Variants in THRAP3 observed in about 807,000 individuals in gnomAD.
The protein encoded by THRAP3 is thyroid hormone receptor-associated protein 3.
In THRAP3, 16 loss-of-function variants were observed where a neutral mutation model predicts 101.0. The observed-to-expected ratio is 0.16, with a 90% CI of 0.11 to 0.24. The LOEUF is 0.24. Ranked by LOEUF, THRAP3 falls within the 10% of genes least tolerant of loss-of-function variation. The probability of loss-of-function intolerance (pLI) is 1.00; values close to 1 mark genes in which losing one functional copy is unlikely to be tolerated. For missense variants in THRAP3, 989 were observed against 1,202.7 expected, an observed-to-expected ratio of 0.82 and a Z score of 2.63; for synonymous variants, 407 against 422.6, an observed-to-expected ratio of 0.96 and a Z score of 0.45.
Position 36,287,049 on chromosome 1 carries a change from T to C in THRAP3, c.819T>C (p.Pro273=). Residue 273 remains proline, a synonymous_variant, in exon 4 of 12, where the codon CCT becomes CCC. Coordinates refer to ENST00000354618, the MANE Select transcript of THRAP3 (RefSeq NM_005119.4). ...CCCGTCCTAGCCCCGTGCCAAAACCTAGTCCTCCACTTTCCAGCACATCCC... is the reference window on the plus strand; with the variant it reads ...CCCGTCCTAGCCCCGTGCCAAAACCCAGTCCTCCACTTTCCAGCACATCCC... ...RSPRPSPVPK[P]SPPLSSTSQM... 2 of 1,613,648 alleles carry C rather than the reference T, an allele frequency of 1.2e-6. No individual in the cohort carries two copies. Among genetic ancestry groups the C allele is most frequent in the Non-Finnish European group, 1.7e-6 (2 of 1,179,650 alleles).
At position 36,280,470 on chromosome 1, in the gene THRAP3, A is replaced by T. The variant is rs899439636; in HGVS notation, c.-31-2063A>T. Among the ~76,000 whole-genome samples, 4 of 152,158 alleles carry T rather than the reference A, an allele frequency of 2.6e-5. No homozygotes were observed. In the East Asian group the frequency reaches 7.7e-4, roughly 29 times the overall value. The stretch of plus-strand genomic sequence containing the variant: ...AGAGAATGACTGGTGGCTATTTTTG[A>T]CTGGGTGGTCAGGGTGAACCTCTGA... On this transcript the variant is annotated intron_variant, in intron 2 of 11. Transcript: ENST00000354618.
At chr1:36,232,604 G>A (rs2124356486) in intron 1 of THRAP3, among the ~76,000 whole-genome samples, 1 of 152,308 alleles carries the variant, frequency 6.6e-6, no homozygotes, top group South Asian at 2.1e-4. Flanking sequence ...AGGACATTGA[G>A]TTACGTAGAA....
intron 1 of THRAP3, among the ~76,000 whole-genome samples, chr1:36,258,726 G>T (rs1319956103): frequency 6.6e-6 from 1 of 152,176 alleles, no homozygotes; most frequent in African/African-American, 2.4e-5. Flanking sequence ...TGATCCGCCC[G>T]CCTTGGCCTC....
chr1:36,262,362 A>G (rs1446537858), intron 2 of THRAP3, among the ~76,000 whole-genome samples: 3 of 152,248 alleles, frequency 2.0e-5, no homozygotes, highest in African/African-American at 7.2e-5. Context: ...TAAGTTAATG[A>G]ATGATGGCCT....
At chr1:36,253,639 T>C (rs1645336080) in intron 1 of THRAP3, among the ~76,000 whole-genome samples, 1 of 152,100 alleles carries the variant, frequency 6.6e-6, no homozygotes, top group East Asian at 1.9e-4. Context: ...CGTCAGCTAG[T>C]CTGGAGTGCA....
rs1557447042 is a variant in THRAP3, at chr1:36,286,452, A to T, written c.222A>T (p.Arg74=). 6.8e-6 allele frequency: 11 copies of T among 1,614,218 alleles called. No individual in the cohort carries two copies. The highest frequency in any genetic ancestry group is 9.3e-6 in the Non-Finnish European group (11 of 1,180,044). Residue 74 remains arginine (R), a synonymous_variant, in exon 4 of 12, where the codon CGA becomes CGT. Transcript: ENST00000354618. This position sits in a 1 kb window ranked among gnomAD's most constrained non-coding sequence, Gnocchi z 5.5. ...GAGTATATCAGAATCGGGATTTCCGAGGTCACAACAGAGGCTATAGAAGGC... is the reference window on the plus strand; with the variant it reads ...GAGTATATCAGAATCGGGATTTCCGTGGTCACAACAGAGGCTATAGAAGGC... ...HPRVYQNRDF[R]GHNRGYRRPY...
upstream of THRAP3, among the ~76,000 whole-genome samples, chr1:36,221,186 CAAAA>C (rs769615426): frequency 2.2e-5 from 1 of 45,330 alleles, no homozygotes; most frequent in African/African-American, 7.3e-5. Flanking sequence ...GACCCTATCT[CAAAA>C]AAAAAAAAAA....
chr1:36,208,729 C>T, the THRAP3 span, among the ~76,000 whole-genome samples: 148 of 152,050 alleles, frequency 9.7e-4, 1 homozygote, highest in Middle Eastern at 0.014. Flanking sequence ...TGCAGTGGCA[C>T]GATCTCGCCT....
At chr1:36,299,690 G>A (rs893012980) in intron 9 of THRAP3, among the ~76,000 whole-genome samples, 1 of 151,926 alleles carries the variant, frequency 6.6e-6, no homozygotes, top group Non-Finnish European at 1.5e-5. Flanking sequence ...TGTATTTTTA[G>A]TAGAGATGGG....
At chr1:36,269,926 A>G (rs762384083) in intron 2 of THRAP3, among the ~76,000 whole-genome samples, 1 of 152,056 alleles carries the variant, frequency 6.6e-6, no homozygotes, top group Non-Finnish European at 1.5e-5. Flanking sequence ...AAAATACACA[A>G]AAGGAGCTGC....
chr1:36,281,025 G>A (rs1288523881), intron 2 of THRAP3, among the ~76,000 whole-genome samples: 1 of 150,664 alleles, frequency 6.6e-6, no homozygotes, highest in Non-Finnish European at 1.5e-5. Context: ...TCCTGGGTTC[G>A]AGAGATTCTC....
Position 36,301,682 on chromosome 1 carries a change from A to G in THRAP3, c.2632A>G (p.Lys878Glu), listed in dbSNP as rs1557461716. The G allele has an allele frequency of 3.1e-6, 5 of 1,613,748 alleles. No individual in the cohort carries two copies. The highest frequency in any genetic ancestry group is 3.4e-6 in the Non-Finnish European group (4 of 1,179,800). Residue 878 changes from lysine to glutamate, a missense_variant, in exon 11 of 12, where the codon AAG (lysine) becomes GAG (glutamate). By Grantham distance (56) the Lys-to-Glu change is moderately conservative. Transcript: ENST00000354618. ...GGACCCAGAGTACACACCCAAAAGC[A>G]AGAAGTATTACTTGGTATGTGTCTG... ...EWDPEYTPKS[K>E]KYYLHDDREG...
At chr1:36,213,989 GAAAGAAAGGAAA>G in the THRAP3 span, among the ~76,000 whole-genome samples, 164 of 88,966 alleles carry the variant, frequency 1.8e-3, no homozygotes, top group African/African-American at 8.8e-3. Context: ...AAGAAAGAAA[GAAAGAAAGGAAA>G]GAAAGAAAGA....
intron 2 of THRAP3, among the ~76,000 whole-genome samples, chr1:36,262,639 A>G (rs1645460690): frequency 6.6e-6 from 1 of 152,104 alleles, no homozygotes; most frequent in Admixed American, 6.6e-5. Flanking sequence ...TCCATGGCCC[A>G]CTGGCTCTGA....
At chr1:36,249,251 G>A (rs138566944) in intron 1 of THRAP3, among the ~76,000 whole-genome samples, 121 of 148,354 alleles carry the variant, frequency 8.2e-4, no homozygotes, top group Non-Finnish European at 1.3e-3. Context: ...GAATGCAGTG[G>A]CGCAAGCTCC....
At position 36,304,438 on chromosome 1, in the gene THRAP3, GC is replaced by G. The variant is rs991759012; in HGVS notation, c.*426del. 1.0e-4 allele frequency: 22 copies of G among 219,718 alleles called. No individual in the cohort carries two copies. The highest frequency in any genetic ancestry group is 2.8e-3 in the Middle Eastern group (2 of 710). 13.6% of individuals were successfully genotyped at this position (219,718 alleles called of 1,614,324 possible). ...CTTTTCCCCTGTCCTGATTTTAAAAGCCCCCTCCTTTTTTTTTTTTTTTTTC... is the reference window on the plus strand; with the variant it reads ...CTTTTCCCCTGTCCTGATTTTAAAAGCCCCTCCTTTTTTTTTTTTTTTTTC... On this transcript the variant is annotated 3_prime_UTR_variant, in exon 12 of 12. Transcript: ENST00000354618.
chr1:36,269,812 A>C (rs1037735911), intron 2 of THRAP3, among the ~76,000 whole-genome samples: 3 of 151,950 alleles, frequency 2.0e-5, no homozygotes, highest in Non-Finnish European at 2.9e-5. Context: ...TCCTGGGCTC[A>C]AGCAGTCCTA....
chr1:36,254,412 C>T (rs922187195), intron 1 of THRAP3, among the ~76,000 whole-genome samples: 3 of 152,210 alleles, frequency 2.0e-5, no homozygotes, highest in Admixed American at 1.3e-4. Flanking sequence ...TCACACTTCA[C>T]ACTGTGCCTT....
intron 1 of THRAP3, among the ~76,000 whole-genome samples, chr1:36,250,433 G>T (rs1239057922): frequency 6.6e-6 from 1 of 151,736 alleles, no homozygotes; most frequent in Non-Finnish European, 1.5e-5. Context: ...GGGATGGTCT[G>T]GATCTCCTGA....
Sources: gnomAD v4.1 joint callset for allele counts (sites outside exome capture counted in the v4.1 genomes callset) on GRCh38, gnomAD v4.1.1 for gene constraint, Gnocchi (gnomAD v3.1) non-coding constraint, MANE v1.5 for transcripts, NCBI Gene and HGNC (gene_info 2026-07-23, HGNC 2026-07-21) for gene names.